ERICH3: variants seen among roughly 807,000 people sequenced by gnomAD.
ERICH3 encodes the protein glutamate-rich protein 3.
Under a neutral mutation model 131.1 loss-of-function variants are expected in ERICH3, and 126 were observed. The observed-to-expected ratio is 0.96, with a 90% confidence interval of 0.83 to 1.11. The LOEUF (loss-of-function observed/expected upper bound fraction) is 1.11. Ranked by LOEUF, ERICH3 falls within the 50% of genes most tolerant of loss-of-function variation. The pLI is 0.00. For synonymous variants in ERICH3, 695 were observed against 644.6 expected, an observed-to-expected ratio of 1.08 and a Z score of -1.18; for missense variants, 2,050 against 1,810.7, an observed-to-expected ratio of 1.13 and a Z score of -2.40.
In ERICH3 at chr1:74,569,781, A is replaced by T. The variant is rs1646914487; in HGVS notation, c.*677T>A. 1 of 152,244 alleles carries T rather than the reference A, an allele frequency of 6.6e-6. No individual in the cohort carries two copies. 9.4% of individuals were successfully genotyped at this position (152,244 alleles called of 1,614,324 possible). ...AGTCTACCCCAGAAAGCAGAACTAC[A>T]GAAACACACACAAAAAAACAAAGAG... On this transcript the variant is annotated 3_prime_UTR_variant, in exon 15 of 15. Coordinates refer to ENST00000326665, the MANE Select transcript of ERICH3 (RefSeq NM_001002912.5).
chr1:74,673,686 A>T lies in ERICH3; in HGVS notation c.-167T>A. 1 of 534,818 alleles carries T rather than the reference A, an allele frequency of 1.9e-6. No homozygotes were observed. The highest frequency in any genetic ancestry group is 3.0e-6 in the Non-Finnish European group (1 of 329,146). The allele number at this position is 534,818 out of a possible 1,614,324, so 33.1% of individuals were successfully genotyped here. On this transcript the variant is annotated 5_prime_UTR_variant, in exon 1 of 15. Transcript: ENST00000326665. ...GCCGCCGCCCCTGGGCGCCCGGGCT[A>T]CCCGCAGCCTCCCGGGCTCCCACCC...
At chr1:74,671,486 C>A (rs1646742826) in intron 1 of ERICH3, among the ~76,000 whole-genome samples, 2 of 152,186 alleles carry the variant, frequency 1.3e-5, no homozygotes, top group Non-Finnish European at 2.9e-5. Context: ...TGTGATGTCA[C>A]CCTGGTGGCC....
At chr1:74,645,528 T>C (rs989007614) in intron 3 of ERICH3, among the ~76,000 whole-genome samples, 1 of 152,048 alleles carries the variant, frequency 6.6e-6, no homozygotes, top group South Asian at 2.1e-4. Flanking sequence ...TCAACAGTTA[T>C]GATGTGTCAC....
chr1:74,590,849 A>G (rs559897106), intron 11 of ERICH3, among the ~76,000 whole-genome samples: 1 of 152,308 alleles, frequency 6.6e-6, no homozygotes, highest in Non-Finnish European at 1.5e-5. Context: ...ACATTTAACT[A>G]TCAACCATCC....
chr1:74,588,513 G>C (rs1647440957), intron 12 of ERICH3, among the ~76,000 whole-genome samples: 1 of 151,886 alleles, frequency 6.6e-6, no homozygotes, highest in African/African-American at 2.4e-5. Context: ...AGTTTTTAAG[G>C]GTCTAAAAGT....
At chr1:74,621,640 A>G (rs867288875) in intron 7 of ERICH3, 4 of 152,218 alleles carry the variant, frequency 2.6e-5, no homozygotes, top group African/African-American at 7.2e-5. Context: ...ATCCTATGGC[A>G]TTGCCCAATT....
rs775864556 is a variant in ERICH3 at position 74,643,141 on chromosome 1, A to G, written c.244-43T>C. 3 of 1,477,618 alleles carry G rather than the reference A, an allele frequency of 2.0e-6. No individual in the cohort carries two copies. In the African/African-American group the frequency reaches 4.2e-5, roughly 21 times the overall value. 91.5% of individuals were successfully genotyped at this position (1,477,618 alleles called of 1,614,324 possible). On this transcript the variant is annotated intron_variant, in intron 3 of 14. Transcript: ENST00000326665. ...AATAAAGGAGAGAATCATATCAGTT[A>G]TAGCAAAGACCAGTTTAGAGGAAAA... is the stretch of plus-strand genomic sequence containing the variant.
Position 74,633,533 on chromosome 1 carries a change from T to A in ERICH3, c.604-1605A>T, listed in dbSNP as rs537677225. On this transcript the variant is annotated intron_variant, in intron 6 of 14. Coordinates refer to ENST00000326665, the MANE Select transcript of ERICH3 (RefSeq NM_001002912.5). ...CCTTCTTTGGAAATGGTTTACCAGT[T>A]TTTCAAAAAAATTAACATGTTGTTC... 1.6e-3 allele frequency among the ~76,000 whole-genome samples: 242 copies of A among 152,086 alleles called. 1 individual carries two copies. Among genetic ancestry groups the A allele is most frequent in the African/African-American group, 5.6e-3 (233 of 41,548 alleles).
chr1:74,591,790 T>A (rs1219403249), intron 11 of ERICH3: 1 of 152,198 alleles, frequency 6.6e-6, no homozygotes, highest in African/African-American at 2.4e-5. Context: ...ATCTAGCTTT[T>A]CTAACCAATA....
intron 1 of ERICH3, among the ~76,000 whole-genome samples, chr1:74,662,412 T>G (rs1024571992): frequency 1.3e-5 from 2 of 152,158 alleles, no homozygotes; most frequent in Non-Finnish European, 2.9e-5. Flanking sequence ...TGGTGAAATA[T>G]TCATTTGTTG....
intron 9 of ERICH3, among the ~76,000 whole-genome samples, chr1:74,609,065 T>C (rs544751599): frequency 1.3e-5 from 2 of 152,178 alleles, no homozygotes; most frequent in African/African-American, 4.8e-5. Context: ...TGAATATAAT[T>C]TGAGGTGTTG....
chr1:74,602,801 C>T (rs1648204106), intron 10 of ERICH3, among the ~76,000 whole-genome samples: 1 of 151,738 alleles, frequency 6.6e-6, no homozygotes, highest in South Asian at 2.1e-4. Flanking sequence ...TTTCATAAAC[C>T]ACCATGCTTC....
intron 12 of ERICH3, among the ~76,000 whole-genome samples, chr1:74,581,603 T>C (rs762661348): frequency 2.0e-5 from 3 of 152,336 alleles, no homozygotes; most frequent in Non-Finnish European, 2.9e-5. Context: ...TGCACTGTTA[T>C]CATTTACTGT....
In ERICH3 at chr1:74,612,637, T is replaced by C. The variant is rs1471825836; in HGVS notation, c.1173A>G (p.Ser391=). ...TGTTTCCATACTTGTAGCAAGGAGA[T>C]GATCTCTCAACACACACAAACCCAA... ...GYFGFVCVER[S]SPCYKCIIAM... The change falls in exon 9 of 15, where the codon TCA becomes TCG. Residue 391 remains serine (S), a synonymous_variant. Coordinates refer to ENST00000326665, the MANE Select transcript of ERICH3 (RefSeq NM_001002912.5). 6 of 1,561,984 alleles carry C rather than the reference T, an allele frequency of 3.8e-6. No homozygotes were observed. The highest frequency in any genetic ancestry group is 5.3e-6 in the Non-Finnish European group (6 of 1,142,614).
chr1:74,574,883 G>A (rs532533042), intron 13 of ERICH3, among the ~76,000 whole-genome samples: 1 of 151,914 alleles, frequency 6.6e-6, no homozygotes, highest in Non-Finnish European at 1.5e-5. Flanking sequence ...CTTTGAAAAG[G>A]TTCATCTTAA....
chr1:74,585,751 A>AAT (rs10670993), intron 12 of ERICH3, among the ~76,000 whole-genome samples: 37,198 of 151,910 alleles, frequency 0.24, 6,229 homozygotes, highest in African/African-American at 0.48. Flanking sequence ...ATCTAAGTAC[A>AAT]ATATATATGT....
chr1:74,571,798 C>T lies in ERICH3; in HGVS notation c.3912G>A (p.Leu1304=). ...TCCTGTCCTGCATCGCTTCTGTCTCCAGAGTGCACTCTTTGTCCTCTTCCT... is the reference window on the plus strand; with the variant it reads ...TCCTGTCCTGCATCGCTTCTGTCTCTAGAGTGCACTCTTTGTCCTCTTCCT... The part of the protein sequence containing the change: ...PEEEEDKECT[L]ETEAMQDRNS... Residue 1304 remains leucine, a synonymous_variant, in exon 14 of 15, where the codon CTG becomes CTA. Coordinates refer to ENST00000326665, the MANE Select transcript of ERICH3 (RefSeq NM_001002912.5). The T allele has an allele frequency of 6.2e-7, 1 of 1,613,860 alleles. No individual in the cohort carries two copies. The highest frequency in any genetic ancestry group is 1.1e-5 in the South Asian group (1 of 91,078).
chr1:74,640,147 C>T (rs529944011), intron 5 of ERICH3, among the ~76,000 whole-genome samples: 1 of 152,084 alleles, frequency 6.6e-6, no homozygotes, highest in African/African-American at 2.4e-5. Flanking sequence ...TGAGGGTGTT[C>T]AGCTGGAAAA....
Position 74,673,737 on chromosome 1 carries a change from T to C in ERICH3, c.-218A>G, listed in dbSNP as rs1385925802. 4.7e-6 allele frequency: 2 copies of C among 421,384 alleles called. No homozygotes were observed. The highest frequency in any genetic ancestry group is 4.6e-5 in the Admixed American group (1 of 21,956). 26.1% of individuals were successfully genotyped at this position (421,384 alleles called of 1,614,324 possible). ...TCCGTTGGTATCCACAGCTTCCCTG[T>C]TGCTAAGGGAGGAGAGAGGCAAGCG... On this transcript the variant is annotated 5_prime_UTR_variant, in exon 1 of 15. Transcript: ENST00000326665.
Sources: gnomAD v4.1 joint callset for allele counts (sites outside exome capture counted in the v4.1 genomes callset) on GRCh38, gnomAD v4.1.1 for gene constraint, MANE v1.5 for transcripts, NCBI Gene and HGNC (gene_info 2026-07-23, HGNC 2026-07-21) for gene names.